The following AGMAT variants were observed in gnomAD, a reference collection of about 807,000 sequenced individuals.
AGMAT encodes guanidino acid hydrolase, mitochondrial.
Under a neutral mutation model 29.3 loss-of-function variants are expected in AGMAT, and 37 were observed. The observed-to-expected ratio is 1.26, with a 90% CI of 0.97 to 1.66. The LOEUF is 1.66. Ranked by LOEUF, AGMAT falls within the 40% of genes most tolerant of loss-of-function variation. The pLI is 0.00. For missense variants in AGMAT, 498 were observed against 497.8 expected (o/e 1.00, Z 0.00); for synonymous variants, 199 against 200.8 (o/e 0.99, Z 0.08).
intron 2 of AGMAT, among the ~76,000 whole-genome samples, chr1:15,582,632 A>G (rs1639130724): frequency 6.6e-6 from 1 of 152,214 alleles, no homozygotes; most frequent in South Asian, 2.1e-4. Flanking sequence ...AAGCTGCCCT[A>G]TAGGTTGATG....
In AGMAT at chr1:15,584,931, G is replaced by C. The variant is rs1017033874; in HGVS notation, c.37C>G (p.Pro13Ala). Residue 13 changes from proline to alanine, a missense_variant, in exon 1 of 7, where the codon CCG becomes GCG. Coordinates refer to ENST00000375826, the MANE Select transcript of AGMAT (RefSeq NM_024758.5). ...RLLASGCARG[P>A]GPGVGARPAA... is the part of the protein sequence containing the mutation. ...GGACGCGCGCCCACGCCGGGCCCCG[G>C]GCCCCGGGCGCACCCGGACGCCAGC... 5.8e-6 allele frequency: 8 copies of C among 1,370,102 alleles called. No individual in the cohort carries two copies. The highest frequency in any genetic ancestry group is 7.5e-6 in the Non-Finnish European group (8 of 1,070,214). The allele number at this position is 1,370,102 out of a possible 1,614,324, so 84.9% of individuals were successfully genotyped here. A position where few individuals can be genotyped will look rare whatever the true frequency, so the allele number is the denominator to read the frequency against.
chr1:15,576,660 C>T (rs1341905223), intron 5 of AGMAT, among the ~76,000 whole-genome samples: 2 of 148,886 alleles, frequency 1.3e-5, no homozygotes, highest in African/African-American at 2.5e-5. Flanking sequence ...GAACTCCTGA[C>T]CTTGTGATCC....
Position 15,573,584 on chromosome 1 carries a change from T to G in AGMAT, c.*67A>C. The G allele has an allele frequency of 6.9e-7, 1 of 1,450,688 alleles. No individual in the cohort carries two copies. Among genetic ancestry groups the G allele is most frequent in the Non-Finnish European group, 9.7e-7 (1 of 1,032,738 alleles). 89.9% of individuals were successfully genotyped at this position (1,450,688 alleles called of 1,614,324 possible). A position where few individuals can be genotyped will look rare whatever the true frequency, so the allele number is the denominator to read the frequency against. On this transcript the variant is annotated 3_prime_UTR_variant, in exon 7 of 7. Transcript: ENST00000375826. ...ATAAACTCTTTAGTTCTCAGACTGCTTACTCATAAGTTCTTCTTGAGAACT... is the reference window on the plus strand; with the variant it reads ...ATAAACTCTTTAGTTCTCAGACTGCGTACTCATAAGTTCTTCTTGAGAACT...
At chr1:15,582,683 C>G (rs550719261) in intron 2 of AGMAT, among the ~76,000 whole-genome samples, 1 of 152,270 alleles carries the variant, frequency 6.6e-6, no homozygotes, top group African/African-American at 2.4e-5. Context: ...TTGCAGTTCT[C>G]CTCGCAAATA....
intron 2 of AGMAT, among the ~76,000 whole-genome samples, chr1:15,582,667 C>T (rs987095567): frequency 6.6e-6 from 1 of 152,204 alleles, no homozygotes. Context: ...GACAAAAACA[C>T]CCTCTTTGCA....
At chr1:15,576,723 T>C (rs1442658943) in intron 5 of AGMAT, among the ~76,000 whole-genome samples, 1 of 131,546 alleles carries the variant, frequency 7.6e-6, no homozygotes, top group Non-Finnish European at 1.6e-5. Context: ...CCACGACACC[T>C]GGCCAAGTTT....
rs781149544 is a variant in AGMAT at position 15,572,352 on chromosome 1, C to CCT, written c.*1298_*1299insAG. On this transcript the variant is annotated 3_prime_UTR_variant, in exon 7 of 7. Coordinates refer to ENST00000375826, the MANE Select transcript of AGMAT (RefSeq NM_024758.5). ...GGCGTGAGCCACTGGGTCCGGCCTGCTTTTTTTTTTTTTTTTTTTTTTTTG... is the reference window on the plus strand; with the variant it reads ...GGCGTGAGCCACTGGGTCCGGCCTGCCTTTTTTTTTTTTTTTTTTTTTTTTTG... The CCT allele has an allele frequency of 2.3e-5, 1 of 43,724 alleles. No homozygotes were observed. The highest frequency in any genetic ancestry group is 3.8e-5 in the Non-Finnish European group (1 of 26,358). The allele number at this position is 43,724 out of a possible 1,614,324, so 2.7% of individuals were successfully genotyped here.
intron 4 of AGMAT, 82 bp downstream of exon 4, chr1:15,578,777 C>T (rs1639072462): frequency 6.8e-7 from 1 of 1,478,058 alleles, no homozygotes; most frequent in African/African-American, 1.4e-5. Context: ...AAAGCCCCCG[C>T]TCAATCCCTG....
Position 15,584,911 on chromosome 1 carries a change from C to A in AGMAT, c.57G>T (p.Ala19=), listed in dbSNP as rs928482217. 1.4e-6 allele frequency: 2 copies of A among 1,384,762 alleles called. No individual in the cohort carries two copies. The highest frequency in any genetic ancestry group is 1.9e-6 in the Non-Finnish European group (2 of 1,077,594). The allele number at this position is 1,384,762 out of a possible 1,614,324, so 85.8% of individuals were successfully genotyped here. ...GATGAAAGAGCCCTGCGGCAGGACG[C>A]GCGCCCACGCCGGGCCCCGGGCCCC... is the stretch of plus-strand genomic sequence containing the variant. ...CARGPGPGVG[A]RPAAGLFHPG... The change falls in exon 1 of 7, where the codon GCG becomes GCT. Residue 19 remains alanine (A), a synonymous_variant. Transcript: ENST00000375826.
At chr1:15,579,522 T>A (rs1639084147) in intron 3 of AGMAT, among the ~76,000 whole-genome samples, 1 of 152,090 alleles carries the variant, frequency 6.6e-6, no homozygotes, top group Non-Finnish European at 1.5e-5. Flanking sequence ...ACCTGCACCC[T>A]CCCACCTCCA....
rs1557596273 is a variant in AGMAT at position 15,577,828 on chromosome 1, TCATC to T, written c.753_756del (p.Trp251Ter). 6.2e-7 allele frequency: 1 copy of T among 1,614,180 alleles called. No homozygotes were observed. Among genetic ancestry groups the T allele is most frequent in the East Asian group, 2.2e-5 (1 of 44,876 alleles). The stretch of plus-strand genomic sequence containing the variant: ...TCCCCCATCAGAGGAACCAGCGACT[TCATC>T]CAGCAGTCTTCAGCCAGGACTACCC... On this transcript the variant is annotated frameshift_variant, in exon 5 of 7. Transcript: ENST00000375826. LOFTEE classifies it high-confidence loss of function.
Position 15,584,886 on chromosome 1 carries a change from G to C in AGMAT, c.82C>G (p.Pro28Ala), listed in dbSNP as rs753214609. The change falls in exon 1 of 7, where the codon CCG becomes GCG. Residue 28 changes from proline (P) to alanine (A), a missense_variant. Pro to Ala is a conservative substitution (Grantham distance 27, BLOSUM62 -1). Transcript: ENST00000375826. ...GARPAAGLFH[P>A]GRRQSRQASD... ...GCCTGGCGGCTCTGGCGGCGCCCCG[G>C]ATGAAAGAGCCCTGCGGCAGGACGC... is the stretch of plus-strand genomic sequence containing the variant. The C allele has an allele frequency of 9.3e-6, 13 of 1,405,350 alleles. No individual in the cohort carries two copies. The highest frequency in any genetic ancestry group is 7.7e-5 in the South Asian group (5 of 65,032). The allele number at this position is 1,405,350 out of a possible 1,614,324, so 87.1% of individuals were successfully genotyped here. A position where few individuals can be genotyped will look rare whatever the true frequency, so the allele number is the denominator to read the frequency against.
Position 15,573,449 on chromosome 1 carries a change from C to A in AGMAT, c.*202G>T. On this transcript the variant is annotated 3_prime_UTR_variant, in exon 7 of 7. Coordinates refer to ENST00000375826, the MANE Select transcript of AGMAT (RefSeq NM_024758.5). ...GCAGTACAAGTACTCCTTTTTTTTT[C>A]CCCCAATTAATCCAAGTTCCTTAGA... 1 of 495,528 alleles carries A rather than the reference C, an allele frequency of 2.0e-6. No individual in the cohort carries two copies. 30.7% of individuals were successfully genotyped at this position (495,528 alleles called of 1,614,324 possible). A position where few individuals can be genotyped will look rare whatever the true frequency, so the allele number is the denominator to read the frequency against.
At chr1:15,577,928 C>A in intron 4 of AGMAT, 64 bp from the exon 5 acceptor site, 1 of 1,513,616 alleles carries the variant, frequency 6.6e-7, no homozygotes, top group South Asian at 1.2e-5. Context: ...TGTTTGCCAG[C>A]CCCATGCTCA....
Position 15,573,007 on chromosome 1 carries a change from C to T in AGMAT, c.*644G>A, listed in dbSNP as rs1638979752. On this transcript the variant is annotated 3_prime_UTR_variant, in exon 7 of 7. Transcript: ENST00000375826. ...GTGCGGTGGCTCATGCCTGTAATCC[C>T]AGCACTTTAAGGAGGCTGAGGCGGG... 1 of 152,084 alleles carries T rather than the reference C, an allele frequency of 6.6e-6. No individual in the cohort carries two copies. Among genetic ancestry groups the T allele is most frequent in the Non-Finnish European group, 1.5e-5 (1 of 68,136 alleles). The allele number at this position is 152,084 out of a possible 1,614,324, so 9.4% of individuals were successfully genotyped here.
chr1:15,574,731 G>A (rs764212218), intron 6 of AGMAT, 26 bp downstream of exon 6: 2 of 1,596,576 alleles, frequency 1.3e-6, no homozygotes, highest in African/African-American at 1.3e-5. Context: ...GGCTGCCCAT[G>A]GATCTCAGTC....
chr1:15,574,825 CTGA>C lies in AGMAT; in HGVS notation c.914_916del (p.Ile305del), dbSNP rs1285895590. The C allele has an allele frequency of 3.1e-6, 5 of 1,613,906 alleles. No homozygotes were observed. The highest frequency in any genetic ancestry group is 3.3e-5 in the Admixed American group (2 of 60,010). ...CATCACGTTCAGGCCTTGACAACCC[CTGA>C]TGATCTCCAGAGCCTATTCAAGATC... On this transcript the variant is annotated inframe_deletion, in exon 6 of 7. Coordinates refer to ENST00000375826, the MANE Select transcript of AGMAT (RefSeq NM_024758.5).
In AGMAT at chr1:15,572,105, A is replaced by G. The variant is rs1638959408; in HGVS notation, c.*1546T>C. Among the ~76,000 whole-genome samples, 1 of 143,836 alleles carries G rather than the reference A, an allele frequency of 7.0e-6. No individual in the cohort carries two copies. Among genetic ancestry groups the G allele is most frequent in the African/African-American group, 2.6e-5 (1 of 37,836 alleles). 94.4% of individuals were successfully genotyped at this position (143,836 alleles called of 152,430 possible). Reference sequence around the variant, plus strand: ...GATTGCAGTGAGCTAAGATCGGGCCACTGCACTCCAGCCTGGGGGACAGAG... The same window carrying G: ...GATTGCAGTGAGCTAAGATCGGGCCGCTGCACTCCAGCCTGGGGGACAGAG... On this transcript the variant is annotated 3_prime_UTR_variant, in exon 7 of 7. Coordinates refer to ENST00000375826, the MANE Select transcript of AGMAT (RefSeq NM_024758.5).
At position 15,584,826 on chromosome 1, in the gene AGMAT, C is replaced by CG. The variant is rs1284081890; in HGVS notation, c.141dup (p.Glu48ArgfsTer63). 7.0e-7 allele frequency: 1 copy of CG among 1,419,198 alleles called. No homozygotes were observed. The highest frequency in any genetic ancestry group is 9.2e-7 in the Non-Finnish European group (1 of 1,090,250). The allele number at this position is 1,419,198 out of a possible 1,614,324, so 87.9% of individuals were successfully genotyped here. On this transcript the variant is annotated frameshift_variant, in exon 1 of 7. Coordinates refer to ENST00000375826, the MANE Select transcript of AGMAT (RefSeq NM_024758.5). LOFTEE classifies it high-confidence loss of function. The stretch of plus-strand genomic sequence containing the variant: ...ACGCCCACCGGCCGGGCCACGAACT[C>CG]GGGGCTGGGGGGCTGGTTCCGGGGC...
Sources: gnomAD v4.1 joint callset for allele counts (sites outside exome capture counted in the v4.1 genomes callset) on GRCh38, gnomAD v4.1.1 for gene constraint, MANE v1.5 for transcripts, NCBI Gene and HGNC (gene_info 2026-07-23, HGNC 2026-07-21) for gene names.